SYT16: variants seen among roughly 807,000 people sequenced by gnomAD.
SYT16 encodes the protein synaptotagmin-16.
In SYT16, 42 loss-of-function variants were observed where a neutral mutation model predicts 61.4. That is an observed-to-expected ratio of 0.68 (90% CI 0.53 to 0.89). The LOEUF is 0.89. SYT16 is among the 40% of genes least tolerant of loss of function. The pLI, the probability that SYT16 is intolerant of heterozygous loss-of-function variation, is 0.00. For missense variants in SYT16, 804 were observed against 807.3 expected (o/e 1.00, Z 0.05); for synonymous variants, 314 against 302.3 (o/e 1.04, Z -0.40).
chr14:62,075,418 A>G (rs753065022), intron 5 of SYT16, 27 bp downstream of exon 5: 2 of 1,573,260 alleles, frequency 1.3e-6, no homozygotes, highest in Non-Finnish European at 1.7e-6. Flanking sequence ...TCATTCTTTC[A>G]TTGGTTCCCT....
At chr14:62,016,719 G>GA (rs949322408) in intron 3 of SYT16, among the ~76,000 whole-genome samples, 16 of 151,156 alleles carry the variant, frequency 1.1e-4, no homozygotes, top group African/African-American at 3.4e-4. Flanking sequence ...TCTCAAAAAA[G>GA]AAAAAAAATA....
Position 61,915,751 on chromosome 14 carries a change from G to A in SYT16, c.-324-54381G>A, listed in dbSNP as rs1294917009. 3.9e-5 allele frequency among the ~76,000 whole-genome samples: 6 copies of A among 152,310 alleles called. No homozygotes were observed. In the East Asian group the frequency reaches 1.2e-3, roughly 29 times the overall value. On this transcript the variant is annotated intron_variant, in intron 1 of 7. Transcript: ENST00000683842. Reference sequence around the variant, plus strand: ...TTGGCGTCCAGTGTGACTATGCTTTGTCAATTGATCTTTCTATGGTCAGAA... The same window carrying A: ...TTGGCGTCCAGTGTGACTATGCTTTATCAATTGATCTTTCTATGGTCAGAA...
intron 3 of SYT16, among the ~76,000 whole-genome samples, chr14:62,024,362 A>C (rs886686607): frequency 6.6e-6 from 1 of 152,122 alleles, no homozygotes; most frequent in Non-Finnish European, 1.5e-5. Flanking sequence ...CAAAATTGCG[A>C]GGTGGGACAA....
chr14:62,035,512 G>A (rs906319267), intron 3 of SYT16, among the ~76,000 whole-genome samples: 1 of 152,174 alleles, frequency 6.6e-6, no homozygotes, highest in Non-Finnish European at 1.5e-5. Flanking sequence ...TTCCATCAAA[G>A]AGACATATAT....
intron 3 of SYT16, among the ~76,000 whole-genome samples, chr14:62,057,683 T>C (rs1208958099): frequency 6.6e-6 from 1 of 152,168 alleles, no homozygotes; most frequent in Non-Finnish European, 1.5e-5. Flanking sequence ...GCTGGGAATA[T>C]TTGAGTCACC....
chr14:61,818,609 C>T (rs1480018197), intron 1 of SYT16, among the ~76,000 whole-genome samples: 5 of 145,388 alleles, frequency 3.4e-5, no homozygotes, highest in South Asian at 2.2e-4. Context: ...ACCTGGGAGG[C>T]GGAGGTTGCA....
At chr14:61,944,013 C>T (rs1403350979) in intron 1 of SYT16, among the ~76,000 whole-genome samples, 9 of 152,192 alleles carry the variant, frequency 5.9e-5, no homozygotes, top group African/African-American at 2.2e-4. Context: ...TCTCCTTAAG[C>T]TGATAAGCAA....
intron 1 of SYT16, among the ~76,000 whole-genome samples, chr14:61,912,213 G>T (rs1442652506): frequency 6.6e-6 from 1 of 152,174 alleles, no homozygotes; most frequent in Admixed American, 6.5e-5. Context: ...CCTCTAATTT[G>T]AAAAGACTTT....
intron 1 of SYT16, among the ~76,000 whole-genome samples, chr14:61,944,350 C>T (rs533130969): frequency 6.6e-6 from 1 of 152,302 alleles, no homozygotes; most frequent in African/African-American, 2.4e-5. Context: ...ATCAAGCTAC[C>T]ATTGACTTTC....
intron 1 of SYT16, among the ~76,000 whole-genome samples, chr14:61,914,842 A>C (rs963583099): frequency 6.6e-6 from 1 of 152,188 alleles, no homozygotes; most frequent in African/African-American, 2.4e-5. Flanking sequence ...GACAGCAGCA[A>C]ACTGAGCCTT....
intron 1 of SYT16, among the ~76,000 whole-genome samples, chr14:61,876,463 G>T (rs532070154): frequency 2.6e-5 from 4 of 152,200 alleles, no homozygotes; most frequent in Admixed American, 1.3e-4. Context: ...ACTTGTGTTC[G>T]GATGGGAGGT....
intron 1 of SYT16, among the ~76,000 whole-genome samples, chr14:61,937,754 G>A (rs1050191840): frequency 6.6e-6 from 1 of 152,134 alleles, no homozygotes; most frequent in Non-Finnish European, 1.5e-5. Flanking sequence ...GCTTTGTTGG[G>A]TTAGAGAACT....
intron 1 of SYT16, among the ~76,000 whole-genome samples, chr14:61,896,060 T>A (rs1445928607): frequency 6.6e-6 from 1 of 151,698 alleles, no homozygotes; most frequent in Admixed American, 6.6e-5. Context: ...AGATCTCAAC[T>A]GGTCGCTTTG....
At chr14:61,848,325 G>T (rs1046294568) in intron 1 of SYT16, among the ~76,000 whole-genome samples, 6 of 152,192 alleles carry the variant, frequency 3.9e-5, no homozygotes, top group African/African-American at 1.4e-4. Context: ...GCAGACTTAG[G>T]TGCCACCTTG....
intron 7 of SYT16, among the ~76,000 whole-genome samples, chr14:62,098,541 A>G (rs2057336973): frequency 6.6e-6 from 1 of 152,122 alleles, no homozygotes; most frequent in Admixed American, 6.5e-5. Flanking sequence ...CTGGCACTCT[A>G]GTGGAGGGGT....
At chr14:62,089,103 A>T (rs2056983295) in intron 7 of SYT16, among the ~76,000 whole-genome samples, 1 of 152,026 alleles carries the variant, frequency 6.6e-6, no homozygotes, top group Non-Finnish European at 1.5e-5. Context: ...AGATCACCTG[A>T]GGTCAGGAGT....
At chr14:61,824,035 A>C (rs1325878712) in intron 1 of SYT16, among the ~76,000 whole-genome samples, 2 of 152,190 alleles carry the variant, frequency 1.3e-5, no homozygotes, top group Non-Finnish European at 2.9e-5. Flanking sequence ...AAACATTTTT[A>C]TTTTATTGGA....
At chr14:61,884,065 A>G (rs2047800864) in intron 1 of SYT16, among the ~76,000 whole-genome samples, 1 of 152,200 alleles carries the variant, frequency 6.6e-6, no homozygotes, top group South Asian at 2.1e-4. Flanking sequence ...GGGTGGGGAC[A>G]CAGGCAAACC....
At chr14:61,917,964 A>T (rs903024916) in intron 1 of SYT16, among the ~76,000 whole-genome samples, 5 of 152,150 alleles carry the variant, frequency 3.3e-5, no homozygotes, top group African/African-American at 1.2e-4. Flanking sequence ...CATGAAATGA[A>T]GTTTGTGTAT....
Sources: gnomAD v4.1 joint callset for allele counts (sites outside exome capture counted in the v4.1 genomes callset) on GRCh38, gnomAD v4.1.1 for gene constraint, MANE v1.5 for transcripts, NCBI Gene and HGNC (gene_info 2026-07-23, HGNC 2026-07-21) for gene names.